The following GABRA4 variants were observed in gnomAD, a reference collection of about 807,000 sequenced individuals.
GABRA4 encodes gamma-aminobutyric acid type A receptor subunit alpha4.
Under a neutral mutation model 49.7 loss-of-function variants are expected in GABRA4, and 12 were observed. The ratio of observed to expected loss-of-function variants is 0.24; its 90% CI spans 0.15 to 0.39. The LOEUF (loss-of-function observed/expected upper bound fraction) is 0.39, where lower values mean the gene tolerates loss of function less well. Among genes scored for constraint, GABRA4 ranks in the 10% least tolerant of loss-of-function variants. GABRA4 has a pLI of 1.00. For synonymous variants in GABRA4, 288 were observed against 240.2 expected (o/e 1.20, Z -1.84); for missense variants, 506 against 686.0 (o/e 0.74, Z 2.93).
At position 46,955,036 on chromosome 4, in the gene GABRA4, G is replaced by T. The variant is rs1722293500; in HGVS notation, c.1134+9934C>A. ...TAGCACAGTATGTAGCACATAGTAG[G>T]TACTCAATAAATGATGATGATGTTG... On this transcript the variant is annotated intron_variant, in intron 8 of 8. Transcript: ENST00000264318. Among the ~76,000 whole-genome samples the T allele has an allele frequency of 2.0e-5, 3 of 152,180 alleles. No homozygotes were observed. The South Asian group carries it at 6.2e-4, about 32-fold the overall frequency.
At chr4:46,991,721 A>ACTCGCTACTTATCTTTCTAAGC (rs11274101) in intron 2 of GABRA4, among the ~76,000 whole-genome samples, 168 of 151,916 alleles carry the variant, frequency 1.1e-3, no homozygotes, top group African/African-American at 3.9e-3. Flanking sequence ...TGGAACTTGG[A>ACTCGCTACTTATCTTTCTAAGC]CTCAATTTCC....
chr4:46,937,744 C>CTTATCCTTATTCCTA (rs1721649781), intron 8 of GABRA4, among the ~76,000 whole-genome samples: 1 of 152,176 alleles, frequency 6.6e-6, no homozygotes, highest in East Asian at 1.9e-4. Flanking sequence ...AAGATTCCTC[C>CTTATCCTTATTCCTA]AGGTAACTCT....
intron 8 of GABRA4, among the ~76,000 whole-genome samples, chr4:46,936,511 A>G (rs943970975): frequency 6.6e-6 from 1 of 152,108 alleles, no homozygotes; most frequent in Non-Finnish European, 1.5e-5. Context: ...CGGCCTCCCA[A>G]AGTGCTGGGA....
At chr4:46,947,627 T>G (rs1722026848) in intron 8 of GABRA4, among the ~76,000 whole-genome samples, 1 of 151,860 alleles carries the variant, frequency 6.6e-6, no homozygotes, top group Non-Finnish European at 1.5e-5. Context: ...ACATATTTAT[T>G]GAGCACCTGC....
At chr4:46,929,634 A>G (rs1395954362) in intron 8 of GABRA4, among the ~76,000 whole-genome samples, 3 of 152,142 alleles carry the variant, frequency 2.0e-5, no homozygotes, top group Non-Finnish European at 4.4e-5. Context: ...ATAATTAATT[A>G]TAGATTCTCC....
At chr4:46,942,625 A>AT (rs1721845207) in intron 8 of GABRA4, among the ~76,000 whole-genome samples, 1 of 142,704 alleles carries the variant, frequency 7.0e-6, no homozygotes. Flanking sequence ...ACTCTGTCTC[A>AT]GAAAAAAAAA....
At position 46,928,418 on chromosome 4, in the gene GABRA4, T is replaced by C; in HGVS notation, c.1472A>G (p.Asn491Ser). 1.2e-6 allele frequency: 2 copies of C among 1,613,592 alleles called. No homozygotes were observed. Among genetic ancestry groups the C allele is most frequent in the Non-Finnish European group, 1.7e-6 (2 of 1,179,624 alleles). The change falls in exon 9 of 9, where the codon AAT becomes AGT. Residue 491 changes from asparagine to serine, a missense_variant. Physicochemically the swap from Asn to Ser is conservative, Grantham distance 46. Coordinates refer to ENST00000264318, the MANE Select transcript of GABRA4 (RefSeq NM_000809.4). The stretch of plus-strand genomic sequence containing the variant: ...CAACTTCCCAGTAGCCCCTATGGTA[T>C]TAACTGTGGTCTTTATCCTCTGCAG... ...SRLQRIKTTV[N>S]TIGATGKLSA...
rs996895192 is a variant in GABRA4, at chr4:46,920,158, A to G, written c.*8067T>C. 6.6e-6 allele frequency: 1 copy of G among 151,736 alleles called. No individual in the cohort carries two copies. The highest frequency in any genetic ancestry group is 1.5e-5 in the Non-Finnish European group (1 of 67,690). The allele number at this position is 151,736 out of a possible 1,614,324, so 9.4% of individuals were successfully genotyped here. ...TCAATCAAACTTTAACTGAAATGCT[A>G]TACATTGTCTGTTATCAGAGCTTCT... On this transcript the variant is annotated 3_prime_UTR_variant, in exon 9 of 9. Coordinates refer to ENST00000264318, the MANE Select transcript of GABRA4 (RefSeq NM_000809.4).
intron 8 of GABRA4, among the ~76,000 whole-genome samples, chr4:46,948,006 C>G (rs981344934): frequency 2.0e-5 from 3 of 152,070 alleles, no homozygotes. Flanking sequence ...AGCCAGAATG[C>G]CTTACAGTAT....
At chr4:46,962,334 A>C (rs896551469) in intron 8 of GABRA4, among the ~76,000 whole-genome samples, 2 of 151,900 alleles carry the variant, frequency 1.3e-5, no homozygotes, top group Non-Finnish European at 2.9e-5. Flanking sequence ...TGAAAAAGGA[A>C]CAAAAAAGTA....
intron 2 of GABRA4, among the ~76,000 whole-genome samples, chr4:46,991,567 T>C (rs1466783298): frequency 6.6e-6 from 1 of 152,184 alleles, no homozygotes; most frequent in African/African-American, 2.4e-5. Context: ...ACACCCTCAA[T>C]AGGAGGTATA....
intron 7 of GABRA4, among the ~76,000 whole-genome samples, chr4:46,967,794 C>T (rs879928646): frequency 6.6e-6 from 1 of 151,642 alleles, no homozygotes; most frequent in African/African-American, 2.4e-5. Flanking sequence ...ACCATATTGG[C>T]TGGCCCAGAA....
At chr4:46,947,519 G>A (rs1722022205) in intron 8 of GABRA4, among the ~76,000 whole-genome samples, 1 of 151,220 alleles carries the variant, frequency 6.6e-6, no homozygotes, top group South Asian at 2.1e-4. Flanking sequence ...AGGAAGAGGA[G>A]GAAAGCAGGA....
intron 2 of GABRA4, among the ~76,000 whole-genome samples, chr4:46,983,518 A>ACC (rs1723428466): frequency 6.6e-6 from 1 of 152,130 alleles, no homozygotes; most frequent in Non-Finnish European, 1.5e-5. Flanking sequence ...GGAAAAATTA[A>ACC]CAGAATTACT....
In GABRA4 at chr4:46,923,924, T is replaced by G. The variant is rs1577735427; in HGVS notation, c.*4301A>C. ...CAGAACTAAGAATTTGTAGTAAGAG[T>G]TCCCCTTGACTTTCCACATCCTCAT... On this transcript the variant is annotated 3_prime_UTR_variant, in exon 9 of 9. Transcript: ENST00000264318. 6.6e-6 allele frequency: 1 copy of G among 152,012 alleles called. No individual in the cohort carries two copies. Among genetic ancestry groups the G allele is most frequent in the Admixed American group, 6.6e-5 (1 of 15,226 alleles). The allele number at this position is 152,012 out of a possible 1,614,324, so 9.4% of individuals were successfully genotyped here.
chr4:46,953,411 T>A (rs1722239629), intron 8 of GABRA4, among the ~76,000 whole-genome samples: 1 of 152,250 alleles, frequency 6.6e-6, no homozygotes, highest in African/African-American at 2.4e-5. Context: ...TTCTTGGAAA[T>A]TTTTCCCACT....
intron 8 of GABRA4, among the ~76,000 whole-genome samples, chr4:46,954,033 A>C (rs1722259630): frequency 6.6e-6 from 1 of 152,162 alleles, no homozygotes; most frequent in Admixed American, 6.5e-5. Context: ...ATCTGTAAAA[A>C]GTATTGCTGT....
chr4:46,946,035 A>G (rs989455303), intron 8 of GABRA4, among the ~76,000 whole-genome samples: 14 of 152,114 alleles, frequency 9.2e-5, no homozygotes, highest in Non-Finnish European at 1.6e-4. Context: ...GCTCCACAAT[A>G]AAACCTCAAG....
chr4:46,961,638 T>C (rs576724264), intron 8 of GABRA4, among the ~76,000 whole-genome samples: 166 of 152,018 alleles, frequency 1.1e-3, no homozygotes, highest in African/African-American at 3.8e-3. Flanking sequence ...CTGTTATCTA[T>C]AGAGAAATAA....
Sources: allele counts gnomAD v4.1 joint callset (sites outside exome capture counted in the v4.1 genomes callset), GRCh38; gene constraint gnomAD v4.1.1; transcripts MANE v1.5; gene names NCBI Gene and HGNC (gene_info 2026-07-23, HGNC 2026-07-21).